Variants in PKP4 observed in about 807,000 individuals in gnomAD.
PKP4 encodes plakophilin-4.
A neutral mutation model predicts 145.1 loss-of-function variants in PKP4; 90 were observed. The ratio of observed to expected loss-of-function variants is 0.62; its 90% confidence interval spans 0.52 to 0.74. PKP4 has a LOEUF of 0.74. PKP4 is among the 30% of genes least tolerant of loss of function. PKP4 has a pLI of 0.00. For missense variants in PKP4, 1,340 were observed against 1,482.7 expected (o/e 0.90, Z 1.58); for synonymous variants, 563 against 577.2 (o/e 0.98, Z 0.35).
intron 2 of PKP4, among the ~76,000 whole-genome samples, chr2:158,552,712 C>A (rs546178713): frequency 6.6e-6 from 1 of 152,232 alleles, no homozygotes; most frequent in African/African-American, 2.4e-5. Flanking sequence ...TAAAGTGAGA[C>A]ATAAATTTTT....
intron 17 of PKP4, among the ~76,000 whole-genome samples, chr2:158,671,197 G>A (rs896371890): frequency 6.6e-6 from 1 of 152,150 alleles, no homozygotes; most frequent in Non-Finnish European, 1.5e-5. Context: ...AAATGACAGT[G>A]CTGGAACTCA....
intron 3 of PKP4, among the ~76,000 whole-genome samples, chr2:158,579,613 C>T (rs2024041): frequency 0.91 from 137,930 of 152,104 alleles, 62,648 homozygotes; most frequent in East Asian, 0.97. Context: ...CATTGCAGCA[C>T]CATTTGCAAA....
chr2:158,630,649 G>A (rs2053257145), intron 7 of PKP4, among the ~76,000 whole-genome samples: 1 of 152,194 alleles, frequency 6.6e-6, no homozygotes, highest in African/African-American at 2.4e-5. Context: ...TAGATGTTGG[G>A]ATTCAAAGAG....
intron 1 of PKP4, among the ~76,000 whole-genome samples, chr2:158,518,834 A>G (rs939578679): frequency 1.3e-5 from 2 of 152,216 alleles, no homozygotes; most frequent in African/African-American, 4.8e-5. Context: ...TGATAAATCT[A>G]TAATTGAGAA....
At chr2:158,642,764 A>G (rs2054426209) in intron 11 of PKP4, 65 bp downstream of exon 11, 1 of 1,201,482 alleles carries the variant, frequency 8.3e-7, no homozygotes, top group Non-Finnish European at 1.2e-6. Flanking sequence ...GTGCCCTTGT[A>G]TAGTGGCACT....
At chr2:158,678,442 C>T (rs1025091902) in intron 20 of PKP4, 139 bp from the exon 21 acceptor site, 13 of 671,302 alleles carry the variant, frequency 1.9e-5, no homozygotes, top group Non-Finnish European at 3.6e-5. Context: ...TGAGCTGCTA[C>T]CTCTCCCAGC....
chr2:158,634,174 A>G lies in PKP4; in HGVS notation c.1447A>G (p.Arg483Gly), dbSNP rs1413830208. Residue 483 changes from arginine (R) to glycine (G), a missense_variant, in exon 9 of 22, where the codon AGG becomes GGG. Arg to Gly is a moderately radical substitution (Grantham distance 125). Coordinates refer to ENST00000389759, the MANE Select transcript of PKP4 (RefSeq NM_003628.6). ...NTTATYAEPY[R>G]PIQYRVQECN... ...AACAGCTACCTACGCGGAGCCCTAC[A>G]GGCCTATACAATACCGAGTGCAAGA... 5 of 1,613,948 alleles carry G rather than the reference A, an allele frequency of 3.1e-6. No individual in the cohort carries two copies. Among genetic ancestry groups the G allele is most frequent in the Non-Finnish European group, 4.2e-6 (5 of 1,179,946 alleles).
chr2:158,556,876 A>C (rs2046139458), intron 2 of PKP4, among the ~76,000 whole-genome samples: 1 of 152,112 alleles, frequency 6.6e-6, no homozygotes. Context: ...CCTCTGTTGG[A>C]TTACTTAGGC....
chr2:158,467,492 C>G (rs1690809187), intron 1 of PKP4, among the ~76,000 whole-genome samples: 1 of 145,552 alleles, frequency 6.9e-6, no homozygotes, highest in African/African-American at 2.6e-5. Flanking sequence ...GGCAAGACTG[C>G]AGTGAGCCAT....
chr2:158,542,453 A>G (rs890311027), intron 2 of PKP4, among the ~76,000 whole-genome samples: 3 of 152,220 alleles, frequency 2.0e-5, no homozygotes, highest in Non-Finnish European at 4.4e-5. Flanking sequence ...TGGGTACTGA[A>G]CAGAATGCTG....
intron 11 of PKP4, among the ~76,000 whole-genome samples, chr2:158,654,769 A>G (rs954300542): frequency 3.3e-5 from 5 of 152,136 alleles, no homozygotes. Flanking sequence ...AGGGGAGGTA[A>G]TAATAATAAT....
chr2:158,673,546 C>T, intron 17 of PKP4, 131 bp from the exon 18 acceptor site: 1 of 703,882 alleles, frequency 1.4e-6, no homozygotes, highest in Non-Finnish European at 2.5e-6. Context: ...TGTGGTGTGT[C>T]CTGCAGTAGC....
intron 3 of PKP4, among the ~76,000 whole-genome samples, chr2:158,586,598 T>C (rs2048822315): frequency 6.6e-6 from 1 of 152,222 alleles, no homozygotes; most frequent in South Asian, 2.1e-4. Context: ...ATTTATTAAA[T>C]TGATGCTCTT....
chr2:158,595,863 G>A (rs868455841), intron 3 of PKP4, among the ~76,000 whole-genome samples: 1 of 152,230 alleles, frequency 6.6e-6, no homozygotes, highest in South Asian at 2.1e-4. Flanking sequence ...TGCATAATGG[G>A]AAATACAGAG....
intron 17 of PKP4, among the ~76,000 whole-genome samples, chr2:158,671,334 A>C (rs1464058214): frequency 6.6e-6 from 1 of 151,848 alleles, no homozygotes; most frequent in Non-Finnish European, 1.5e-5. Context: ...TCTTTTTTTT[A>C]AATGTATTTT....
intron 11 of PKP4, among the ~76,000 whole-genome samples, chr2:158,647,331 T>C (rs2054927895): frequency 6.6e-6 from 1 of 152,342 alleles, no homozygotes; most frequent in South Asian, 2.1e-4. Context: ...CCAAATATTA[T>C]ATAATTTGAA....
chr2:158,463,071 A>G (rs934418594), intron 1 of PKP4, among the ~76,000 whole-genome samples: 2 of 152,242 alleles, frequency 1.3e-5, no homozygotes, highest in African/African-American at 4.8e-5. Flanking sequence ...GAAGAAATAA[A>G]CTGCTGAACA....
intron 1 of PKP4, among the ~76,000 whole-genome samples, chr2:158,521,278 T>A (rs2042350162): frequency 6.6e-6 from 1 of 152,238 alleles, no homozygotes; most frequent in Non-Finnish European, 1.5e-5. Flanking sequence ...GTGTATTGAC[T>A]ACTCATTGCA....
At chr2:158,564,495 A>T (rs1016180822) in intron 2 of PKP4, among the ~76,000 whole-genome samples, 1 of 152,138 alleles carries the variant, frequency 6.6e-6, no homozygotes, top group African/African-American at 2.4e-5. Context: ...TTATTTCTGT[A>T]GACTAGATTT....
Sources: allele counts gnomAD v4.1 joint callset (sites outside exome capture counted in the v4.1 genomes callset), GRCh38; gene constraint gnomAD v4.1.1; transcripts MANE v1.5; gene names NCBI Gene and HGNC (gene_info 2026-07-23, HGNC 2026-07-21).